The following PCGF3 variants were observed in gnomAD, a reference collection of about 807,000 sequenced individuals.
PCGF3 encodes polycomb group RING finger protein 3.
PCGF3 carries 7 observed loss-of-function variants against 33.1 expected under a neutral mutation model. The observed-to-expected ratio is 0.21, with a 90% CI of 0.12 to 0.40. The LOEUF (loss-of-function observed/expected upper bound fraction) is 0.40. Ranked by LOEUF, PCGF3 falls within the 10% of genes least tolerant of loss-of-function variation. The pLI, the probability that PCGF3 is intolerant of heterozygous loss-of-function variation, is 1.00. For missense variants in PCGF3, 211 were observed against 313.3 expected (o/e 0.67, Z 2.46); for synonymous variants, 153 against 121.3 (o/e 1.26, Z -1.72).
At chr4:714,385 T>C (rs1742714744) in intron 1 of PCGF3, among the ~76,000 whole-genome samples, 1 of 152,166 alleles carries the variant, frequency 6.6e-6, no homozygotes, top group South Asian at 2.1e-4. Context: ...TGTGAGCGGC[T>C]CCGGACAGGA....
exon 11 of PCGF3, chr4:769,977 A>T (rs1446677927): frequency 1.3e-5 from 2 of 152,592 alleles, no homozygotes; most frequent in African/African-American, 4.8e-5. Flanking sequence ...GTTTTTGTCA[A>T]ATCTTTTTTG....
At chr4:747,899 C>G (rs896273805) in intron 8 of PCGF3, among the ~76,000 whole-genome samples, 2 of 151,692 alleles carry the variant, frequency 1.3e-5, no homozygotes, top group African/African-American at 2.4e-5. Context: ...TTTTAATTAC[C>G]AGAGGAACAC....
intron 1 of PCGF3, among the ~76,000 whole-genome samples, chr4:724,400 G>C (rs1743240883): frequency 1.3e-5 from 2 of 152,276 alleles, no homozygotes; most frequent in Admixed American, 6.5e-5. Context: ...GAGCACCCTG[G>C]TGGACAGCGG....
At chr4:755,290 G>A (rs140748435) in intron 8 of PCGF3, among the ~76,000 whole-genome samples, 39 of 151,856 alleles carry the variant, frequency 2.6e-4, no homozygotes, top group East Asian at 1.8e-3. Flanking sequence ...TGTGTTCCAC[G>A]GTATCTGTGT....
chr4:734,855 G>GT (rs1205074943), intron 4 of PCGF3, 76 bp from the exon 5 acceptor site: 44 of 1,552,632 alleles, frequency 2.8e-5, no homozygotes, highest in Non-Finnish European at 3.8e-5. Context: ...AGACGCCCGT[G>GT]TTCAGTGGAG....
chr4:734,232 GTTT>G lies in PCGF3; in HGVS notation c.109+446_109+448del. 4.7e-6 allele frequency: 7 copies of G among 1,500,874 alleles called. No homozygotes were observed. The South Asian group carries it at 9.1e-5, about 19-fold the overall frequency. The allele number at this position is 1,500,874 out of a possible 1,614,324, so 93.0% of individuals were successfully genotyped here. On this transcript the variant is annotated intron_variant, in intron 4 of 10. Coordinates refer to ENST00000362003, the Ensembl canonical transcript of PCGF3. ...CTCACACCTGGGGCTGGACCTGAGT[GTTT>G]TTCTAAGTGTGGCTACCGCTGACGG...
intron 4 of PCGF3, 43 bp downstream of exon 4, chr4:733,832 C>G (rs112467704): frequency 6.2e-7 from 1 of 1,613,484 alleles, no homozygotes; most frequent in Non-Finnish European, 8.5e-7. Flanking sequence ...CGCGCCCTTC[C>G]CAGCTCTGTG....
In PCGF3 at chr4:707,610, T is replaced by C. The variant is rs28521472; in HGVS notation, c.-190+1640T>C. ...CTGGGGGTCGGGACTCTGGGACAGCTCTGTTTTCCCCTGGGGGTCGGGACC... is the reference window on the plus strand; with the variant it reads ...CTGGGGGTCGGGACTCTGGGACAGCCCTGTTTTCCCCTGGGGGTCGGGACC... On this transcript the variant is annotated intron_variant, in intron 1 of 10. Coordinates refer to ENST00000362003, the Ensembl canonical transcript of PCGF3. 3.4e-3 allele frequency among the ~76,000 whole-genome samples: 269 copies of C among 80,140 alleles called. 12 individuals are homozygous for C. The highest frequency in any genetic ancestry group is 0.011 in the Middle Eastern group (1 of 94). The allele number at this position is 80,140 out of a possible 152,430, so 52.6% of individuals were successfully genotyped here.
At chr4:717,694 A>T (rs2109537927) in intron 1 of PCGF3, among the ~76,000 whole-genome samples, 1 of 152,328 alleles carries the variant, frequency 6.6e-6, no homozygotes, top group East Asian at 1.9e-4. Context: ...GCTTACTTTC[A>T]AACAAGGTAG....
In PCGF3 at chr4:721,103, G is replaced by A. The variant is rs1345453679; in HGVS notation, c.-189-9527G>A. Among the ~76,000 whole-genome samples the A allele has an allele frequency of 1.3e-5, 2 of 152,078 alleles. No homozygotes were observed. Among genetic ancestry groups the A allele is most frequent in the Non-Finnish European group, 2.9e-5 (2 of 67,998 alleles). ...GGGCACCCATGAGGCTGAGGACCCT[G>A]GGGAGGGAACGCTGCTTGTCGGGCG... On this transcript the variant is annotated intron_variant, in intron 1 of 10. Coordinates refer to ENST00000362003, the Ensembl canonical transcript of PCGF3. The surrounding 1 kb of genome is among the most constrained non-coding windows in gnomAD (Gnocchi z 4.1).
intron 1 of PCGF3, among the ~76,000 whole-genome samples, chr4:718,940 T>C (rs1344646833): frequency 6.6e-6 from 1 of 152,220 alleles, no homozygotes; most frequent in Non-Finnish European, 1.5e-5. Flanking sequence ...TTTTTCATTT[T>C]CTTTTTTTTC....
exon 11 of PCGF3, chr4:766,772 C>CG (rs1465626449): frequency 6.6e-6 from 1 of 152,214 alleles, no homozygotes; most frequent in Non-Finnish European, 1.5e-5. Flanking sequence ...GCCCTGGAAA[C>CG]GGGGCCCCAG....
exon 11 of PCGF3, chr4:766,844 G>A (rs1338821562): frequency 6.6e-6 from 1 of 152,262 alleles, no homozygotes; most frequent in Admixed American, 6.5e-5. Flanking sequence ...GACCAGCTCA[G>A]TGCTGGTTTA....
chr4:737,736 A>G (rs2152579112), intron 6 of PCGF3, among the ~76,000 whole-genome samples: 1 of 152,238 alleles, frequency 6.6e-6, no homozygotes, highest in South Asian at 2.1e-4. Flanking sequence ...ATGTGTATTC[A>G]TTCAGCAAGT....
chr4:716,968 C>G (rs1201722763), intron 1 of PCGF3, among the ~76,000 whole-genome samples: 10 of 125,126 alleles, frequency 8.0e-5, no homozygotes, highest in South Asian at 5.9e-4. Context: ...AACTGGGCGT[C>G]GGTGCTGGGA....
At chr4:756,099 G>A (rs930220753) in intron 8 of PCGF3, among the ~76,000 whole-genome samples, 4 of 151,392 alleles carry the variant, frequency 2.6e-5, no homozygotes, top group African/African-American at 9.7e-5. Flanking sequence ...ATTTTTAGTA[G>A]AGACGGGGTT....
chr4:717,081 T>G (rs1269997353), intron 1 of PCGF3, among the ~76,000 whole-genome samples: 230 of 102,478 alleles, frequency 2.2e-3, no homozygotes, highest in Non-Finnish European at 2.8e-3. Context: ...AGACACTGAG[T>G]GTGAGAACTG....
intron 8 of PCGF3, among the ~76,000 whole-genome samples, chr4:751,224 A>G (rs1473733158): frequency 6.6e-6 from 1 of 152,020 alleles, no homozygotes; most frequent in African/African-American, 2.4e-5. Context: ...TGAGTTCCTG[A>G]TCTCCGTCTT....
intron 8 of PCGF3, among the ~76,000 whole-genome samples, chr4:754,311 C>G (rs148415053): frequency 6.6e-6 from 1 of 152,352 alleles, no homozygotes; most frequent in African/African-American, 2.4e-5. Flanking sequence ...GGCCCACTGG[C>G]TCCTGTCCGC....
Sources: gnomAD v4.1 joint callset for allele counts (sites outside exome capture counted in the v4.1 genomes callset) on GRCh38, gnomAD v4.1.1 for gene constraint, Gnocchi (gnomAD v3.1) non-coding constraint, MANE v1.5 for transcripts, NCBI Gene and HGNC (gene_info 2026-07-23, HGNC 2026-07-21) for gene names.